The following ATXN1 variants were observed in gnomAD, a reference collection of about 807,000 sequenced individuals.
The protein encoded by ATXN1 is ataxin 1.
Under a neutral mutation model 56.4 loss-of-function variants are expected in ATXN1, and 8 were observed. That is an observed-to-expected ratio of 0.14 (90% CI 0.08 to 0.26). ATXN1 has a LOEUF of 0.26. Ranked by LOEUF, ATXN1 falls within the 10% of genes least tolerant of loss-of-function variation. The probability of loss-of-function intolerance (pLI) is 1.00; values close to 1 mark genes in which losing one functional copy is unlikely to be tolerated. For synonymous variants in ATXN1, 514 were observed against 494.6 expected, an observed-to-expected ratio of 1.04 and a Z score of -0.52; for missense variants, 987 against 1,106.5, an observed-to-expected ratio of 0.89 and a Z score of 1.53.
chr6:16,544,142 G>A (rs891426871), intron 4 of ATXN1, among the ~76,000 whole-genome samples: 3 of 152,114 alleles, frequency 2.0e-5, no homozygotes, highest in Admixed American at 6.5e-5. Context: ...CAAGTCCCTC[G>A]CATGCTCCAG....
chr6:16,457,062 T>C (rs552345958), intron 6 of ATXN1, among the ~76,000 whole-genome samples: 10 of 152,264 alleles, frequency 6.6e-5, no homozygotes, highest in South Asian at 2.1e-4. Context: ...CTCCACTCCA[T>C]TTTGAGGCAT....
intron 3 of ATXN1, among the ~76,000 whole-genome samples, chr6:16,616,914 T>C (rs1561780577): frequency 6.6e-6 from 1 of 151,508 alleles, no homozygotes; most frequent in Non-Finnish European, 1.5e-5. Context: ...CTGAGAGAGA[T>C]CACATCCACA....
chr6:16,687,965 G>A (rs1379839007), intron 2 of ATXN1, among the ~76,000 whole-genome samples: 1 of 152,166 alleles, frequency 6.6e-6, no homozygotes, highest in Non-Finnish European at 1.5e-5. Flanking sequence ...ACATAGCCAT[G>A]CTTCTACCTG....
intron 6 of ATXN1, among the ~76,000 whole-genome samples, chr6:16,398,161 G>A (rs755523815): frequency 6.6e-6 from 1 of 152,022 alleles, no homozygotes; most frequent in Non-Finnish European, 1.5e-5. Context: ...CCAACTTTGA[G>A]GCACCCACAT....
chr6:16,697,227 A>T (rs779909389), intron 2 of ATXN1, among the ~76,000 whole-genome samples: 1 of 152,240 alleles, frequency 6.6e-6, no homozygotes, highest in Non-Finnish European at 1.5e-5. Context: ...TTAGCATATT[A>T]TCATATCAGC....
intron 4 of ATXN1, among the ~76,000 whole-genome samples, chr6:16,550,216 TC>T (rs1761896077): frequency 6.8e-6 from 1 of 147,228 alleles, no homozygotes; most frequent in Non-Finnish European, 1.5e-5. Flanking sequence ...TAGCAAGTGG[TC>T]ACTGGTTTTA....
At chr6:16,378,415 T>G (rs762520251) in intron 6 of ATXN1, among the ~76,000 whole-genome samples, 3 of 152,180 alleles carry the variant, frequency 2.0e-5, no homozygotes, top group Non-Finnish European at 4.4e-5. Context: ...CTCAGGCTCA[T>G]GTAGGTTAAG....
intron 5 of ATXN1, among the ~76,000 whole-genome samples, chr6:16,516,749 T>C (rs541654487): frequency 6.6e-6 from 1 of 152,382 alleles, no homozygotes; most frequent in African/African-American, 2.4e-5. Flanking sequence ...TGTCTAACAA[T>C]GCCTTGTGCT....
chr6:16,320,877 C>T (rs1275845462), intron 7 of ATXN1, among the ~76,000 whole-genome samples: 2 of 152,346 alleles, frequency 1.3e-5, no homozygotes, highest in East Asian at 1.9e-4. Flanking sequence ...GGGATTCCAC[C>T]CCGAGGATTA....
chr6:16,327,812 T>G lies in ATXN1; in HGVS notation c.499A>C (p.Thr167Pro), dbSNP rs765595274. The G allele has an allele frequency of 3.7e-6, 6 of 1,607,974 alleles. No homozygotes were observed. ...TCCAGCTGGGAGCGCTGGGATGGAG[T>G]GGTGGCCCCTGCGGCCGAGGCCACT... ...SAVASAAGAT[T>P]PSQRSQLEAY... Residue 167 changes from threonine (T) to proline (P), a missense_variant, in exon 7 of 8, where the codon ACT (threonine) becomes CCT (proline). Around this residue, in one of 3 missense-constraint regions of ATXN1, gnomAD observed 723 missense variants for 791.7 expected, o/e 0.91. Transcript: ENST00000436367.
At chr6:16,580,566 A>C (rs2113759847) in intron 4 of ATXN1, among the ~76,000 whole-genome samples, 1 of 152,346 alleles carries the variant, frequency 6.6e-6, no homozygotes, top group South Asian at 2.1e-4. Flanking sequence ...AATGTGTTTT[A>C]AGAGTAAACA....
intron 4 of ATXN1, among the ~76,000 whole-genome samples, chr6:16,557,531 A>T (rs1762037579): frequency 6.6e-6 from 1 of 152,174 alleles, no homozygotes; most frequent in African/African-American, 2.4e-5. Flanking sequence ...TGAAGTTCCT[A>T]TGGAAAAATA....
chr6:16,304,339 C>T lies in ATXN1; in HGVS notation c.*1990G>A, dbSNP rs1180912799. ...ACTTTAAAGATGCATTCAAAACCCA[C>T]AAATGATATTTCGGATCTCTGGGAA... On this transcript the variant is annotated 3_prime_UTR_variant, in exon 8 of 8. Transcript: ENST00000436367. 6.6e-6 allele frequency: 1 copy of T among 151,836 alleles called. No homozygotes were observed. The highest frequency in any genetic ancestry group is 1.5e-5 in the Non-Finnish European group (1 of 67,942). 9.4% of individuals were successfully genotyped at this position (151,836 alleles called of 1,614,324 possible).
chr6:16,705,276 G>T (rs1292391027), intron 2 of ATXN1, among the ~76,000 whole-genome samples: 1 of 152,174 alleles, frequency 6.6e-6, no homozygotes, highest in African/African-American at 2.4e-5. Context: ...AGGTTTTAGG[G>T]AAAGAGATAT....
intron 6 of ATXN1, among the ~76,000 whole-genome samples, chr6:16,413,189 A>G (rs950921475): frequency 3.3e-5 from 5 of 152,148 alleles, no homozygotes; most frequent in Non-Finnish European, 5.9e-5. Context: ...AGAAATGATG[A>G]CTCTATTTAA....
At chr6:16,674,361 G>A (rs1302911905) in intron 2 of ATXN1, among the ~76,000 whole-genome samples, 3 of 8,694 alleles carry the variant, frequency 3.5e-4, no homozygotes, top group Non-Finnish European at 6.5e-4. Flanking sequence ...TTTTTTTTTT[G>A]AGACGGAGTC....
intron 6 of ATXN1, among the ~76,000 whole-genome samples, chr6:16,347,836 T>C (rs1018026452): frequency 1.6e-4 from 25 of 152,198 alleles, no homozygotes; most frequent in East Asian, 5.8e-4. Flanking sequence ...GAGCCAGCAG[T>C]GGTAACCTTC....
At chr6:16,668,240 A>G (rs912589380) in intron 2 of ATXN1, among the ~76,000 whole-genome samples, 4 of 151,942 alleles carry the variant, frequency 2.6e-5, no homozygotes, top group African/African-American at 9.7e-5. Context: ...CATGTGCACA[A>G]TGTGCAGGTT....
chr6:16,753,359 G>A lies in ATXN1; in HGVS notation c.-729-12C>T, dbSNP rs927701560. On this transcript the variant is annotated splice_polypyrimidine_tract_variant and intron_variant, in intron 1 of 7. Coordinates refer to ENST00000436367, the MANE Select transcript of ATXN1 (RefSeq NM_001128164.2). Reference sequence around the variant, plus strand: ...GATGCACGATGCTCCTGCAATGGTCGAGGGAGTGCAGGAGAGGAAATCCAA... The same window carrying A: ...GATGCACGATGCTCCTGCAATGGTCAAGGGAGTGCAGGAGAGGAAATCCAA... The A allele has an allele frequency of 1.1e-5, 5 of 456,656 alleles. No homozygotes were observed. Among genetic ancestry groups the A allele is most frequent in the South Asian group, 3.1e-5 (2 of 64,560 alleles). The allele number at this position is 456,656 out of a possible 1,614,324, so 28.3% of individuals were successfully genotyped here.
Sources: allele counts gnomAD v4.1 joint callset (sites outside exome capture counted in the v4.1 genomes callset), GRCh38; gene constraint gnomAD v4.1.1; regional missense constraint gnomAD v4.1.1; transcripts MANE v1.5; gene names NCBI Gene and HGNC (gene_info 2026-07-23, HGNC 2026-07-21).